EIF2B5: variants seen among roughly 807,000 people sequenced by gnomAD.
EIF2B5 encodes the protein translation initiation factor eIF2B subunit epsilon.
Under a neutral mutation model 87.3 loss-of-function variants are expected in EIF2B5, and 38 were observed. The ratio of observed to expected loss-of-function variants is 0.44; its 90% CI spans 0.34 to 0.57. The LOEUF (loss-of-function observed/expected upper bound fraction) is 0.57. Ranked by LOEUF, EIF2B5 falls within the 20% of genes least tolerant of loss-of-function variation. The pLI, the probability that EIF2B5 is intolerant of heterozygous loss-of-function variation, is 0.02. For missense variants in EIF2B5, 784 were observed against 909.5 expected (o/e 0.86, Z 1.78); for synonymous variants, 313 against 339.6 (o/e 0.92, Z 0.86).
intron 14 of EIF2B5, 46 bp downstream of exon 14, chr3:184,144,270 G>T: frequency 6.2e-7 from 1 of 1,611,854 alleles, no homozygotes. Flanking sequence ...GCTTTCAAAC[G>T]AGGGTTGGTG....
At chr3:184,141,814 T>G in intron 7 of EIF2B5, 111 bp from the exon 8 acceptor site, 42 of 1,401,852 alleles carry the variant, frequency 3.0e-5, no homozygotes, top group Non-Finnish European at 4.0e-5. Context: ...GGATGGGGAA[T>G]GAGAGCTAGG....
intron 14 of EIF2B5, 48 bp downstream of exon 14, chr3:184,144,272 G>A (rs754562784): frequency 6.2e-7 from 1 of 1,611,774 alleles, no homozygotes; most frequent in African/African-American, 1.3e-5. Flanking sequence ...TTTCAAACGA[G>A]GGTTGGTGAC....
intron 14 of EIF2B5, 82 bp from the exon 15 acceptor site, chr3:184,144,515 C>A: frequency 7.8e-7 from 1 of 1,279,978 alleles, no homozygotes; most frequent in Non-Finnish European, 1.1e-6. Context: ...CTACTCAGTG[C>A]ATAGAGGGAT....
At chr3:184,136,586 G>GT in intron 1 of EIF2B5, 26 bp from the exon 2 acceptor site, 2 of 1,613,524 alleles carry the variant, frequency 1.2e-6, no homozygotes. Flanking sequence ...GAGACCTCAA[G>GT]TTTTTTTTCA....
chr3:184,144,640 C>T lies in EIF2B5; in HGVS notation c.2039C>T (p.Thr680Ile). The change falls in exon 15 of 16, where the codon ACA becomes ATA. Residue 680 changes from threonine to isoleucine, a missense_variant. Physicochemically the swap from Thr to Ile is moderately conservative, Grantham distance 89 (BLOSUM62 -1). This residue lies in a region of EIF2B5 where 660 missense variants were observed against 789.5 expected (regional missense o/e 0.84). Coordinates refer to ENST00000648915, the MANE Select transcript of EIF2B5 (RefSeq NM_003907.3). Reference protein sequence around the residue: ...FYQLEILAEETILSWFSQRDT... With the variant: ...FYQLEILAEEIILSWFSQRDT... The stretch of plus-strand genomic sequence containing the variant: ...CAGCTGGAGATCCTGGCTGAGGAAA[C>T]AATTCTGAGCTGGTTCAGCCAAAGA... 1 of 1,614,088 alleles carries T rather than the reference C, an allele frequency of 6.2e-7. No individual in the cohort carries two copies.
chr3:184,144,831 C>T (rs1713795205), intron 15 of EIF2B5, 53 bp from the exon 16 acceptor site: 6 of 1,598,684 alleles, frequency 3.8e-6, no homozygotes, highest in Non-Finnish European at 5.1e-6. Context: ...CCGAGGGGAG[C>T]AGGAGAGTTA....
intron 13 of EIF2B5, 170 bp from the exon 14 acceptor site, chr3:184,143,929 T>A: frequency 9.6e-7 from 1 of 1,040,162 alleles, no homozygotes; most frequent in Non-Finnish European, 1.5e-6. Flanking sequence ...CCCTAAGGAA[T>A]CTCTTTTTCC....
Position 184,145,303 on chromosome 3 carries a change from AG to A in EIF2B5, c.*361del. On this transcript the variant is annotated 3_prime_UTR_variant, in exon 16 of 16. Coordinates refer to ENST00000648915, the MANE Select transcript of EIF2B5 (RefSeq NM_003907.3). This position sits in a 1 kb window ranked among gnomAD's most constrained non-coding sequence, Gnocchi z 4.0. ...TGTATATGTTAATATTAAAAGAGAGAGTGGTGTATTTGGTTTGTCTCCATCC... is the reference window on the plus strand; with the variant it reads ...TGTATATGTTAATATTAAAAGAGAGATGGTGTATTTGGTTTGTCTCCATCC... 1 of 321,950 alleles carries A rather than the reference AG, an allele frequency of 3.1e-6. No individual in the cohort carries two copies. Among genetic ancestry groups the A allele is most frequent in the Non-Finnish European group, 6.0e-6 (1 of 166,158 alleles). 19.9% of individuals were successfully genotyped at this position (321,950 alleles called of 1,614,324 possible). A position where few individuals can be genotyped will look rare whatever the true frequency, so the allele number is the denominator to read the frequency against.
chr3:184,140,378 T>G, intron 6 of EIF2B5, 40 bp from the exon 7 acceptor site: 1 of 1,608,490 alleles, frequency 6.2e-7, no homozygotes, highest in Non-Finnish European at 8.5e-7. Flanking sequence ...ATTCTTCCTG[T>G]CTTTCTTGCT....
intron 2 of EIF2B5, 176 bp from the exon 3 acceptor site, chr3:184,137,444 G>A: frequency 1.5e-6 from 1 of 669,222 alleles, no homozygotes; most frequent in Non-Finnish European, 2.7e-6. Context: ...TGGTGACACA[G>A]GATGCTGAAA....
At chr3:184,143,952 A>T in intron 13 of EIF2B5, 147 bp from the exon 14 acceptor site, 1 of 1,272,268 alleles carries the variant, frequency 7.9e-7, no homozygotes, top group Non-Finnish European at 1.1e-6. Flanking sequence ...AACCCTGTCA[A>T]CAACTCCCAA....
At chr3:184,143,235 C>A in intron 12 of EIF2B5, 93 bp downstream of exon 12, 1 of 1,495,064 alleles carries the variant, frequency 6.7e-7, no homozygotes, top group East Asian at 2.3e-5. Context: ...GAACCTATTC[C>A]TTCGACATCC....
chr3:184,144,458 C>T (rs1376082459), intron 14 of EIF2B5, 139 bp from the exon 15 acceptor site: 1 of 1,041,778 alleles, frequency 9.6e-7, no homozygotes. Flanking sequence ...GTTAGACCTG[C>T]CCCAGGAGCA....
chr3:184,143,232 T>G, intron 12 of EIF2B5, 90 bp downstream of exon 12: 1 of 1,504,870 alleles, frequency 6.6e-7, no homozygotes, highest in South Asian at 1.2e-5. Context: ...TAGGAACCTA[T>G]TCCTTCGACA....
chr3:184,140,014 C>T (rs893022581), intron 5 of EIF2B5, 66 bp from the exon 6 acceptor site: 18 of 1,318,524 alleles, frequency 1.4e-5, no homozygotes, highest in African/African-American at 7.5e-5. Context: ...CAGAGCTAGA[C>T]TTGTCTCAAA....
At chr3:184,140,958 G>A (rs1393971955) in intron 7 of EIF2B5, 5 of 592,842 alleles carry the variant, frequency 8.4e-6, no homozygotes, top group Non-Finnish European at 9.0e-6. Context: ...AGGGTACCCT[G>A]TAGTCACATT....
rs113994058 is a variant in EIF2B5, at chr3:184,140,119, C to G, written c.805C>G (p.Arg269Gly). ...LFTDNFDYQT[R>G]DDFVRGLLVN... ...TACAGACAACTTTGACTACCAAACT[C>G]GAGATGACTTTGTGCGAGGTCTCTT... Residue 269 changes from arginine to glycine, a missense_variant, in exon 6 of 16, where the codon CGA becomes GGA. This residue lies in a region of EIF2B5 where 660 missense variants were observed against 789.5 expected (regional missense o/e 0.84). Transcript: ENST00000648915. 1 of 1,613,832 alleles carries G rather than the reference C, an allele frequency of 6.2e-7. No individual in the cohort carries two copies. The highest frequency in any genetic ancestry group is 8.5e-7 in the Non-Finnish European group (1 of 1,179,880).
In EIF2B5 at chr3:184,136,531, A is replaced by G. The variant is rs150793860; in HGVS notation, c.196-81A>G. On this transcript the variant is annotated intron_variant, in intron 1 of 15. Coordinates refer to ENST00000648915, the MANE Select transcript of EIF2B5 (RefSeq NM_003907.3). ...CAAAATTACACTGTTTGGAAATACG[A>G]ATAGAGGAGTGAAAATTGTTGCAGT... 9.6e-4 allele frequency: 1,492 copies of G among 1,554,554 alleles called. 5 individuals are homozygous for G. The highest frequency in any genetic ancestry group is 6.9e-3 in the South Asian group (624 of 89,948).
At chr3:184,141,713 T>C (rs1713642178) in intron 7 of EIF2B5, among the ~76,000 whole-genome samples, 1 of 152,078 alleles carries the variant, frequency 6.6e-6, no homozygotes, top group South Asian at 2.1e-4. Flanking sequence ...GTTCTTAAGC[T>C]CTGTGTGTAG....
Sources: gnomAD v4.1 joint callset for allele counts (sites outside exome capture counted in the v4.1 genomes callset) on GRCh38, gnomAD v4.1.1 for gene constraint, gnomAD v4.1.1 regional missense constraint, Gnocchi (gnomAD v3.1) non-coding constraint, MANE v1.5 for transcripts, NCBI Gene and HGNC (gene_info 2026-07-23, HGNC 2026-07-21) for gene names.